Variants in GABBR2 observed in about 807,000 individuals in gnomAD.
The protein encoded by GABBR2 is G-protein coupled receptor 51.
Under a neutral mutation model 105.6 loss-of-function variants are expected in GABBR2, and 23 were observed. The observed-to-expected ratio is 0.22, with a 90% confidence interval of 0.16 to 0.31. GABBR2 has a LOEUF of 0.31. Among genes scored for constraint, GABBR2 ranks in the 10% least tolerant of loss-of-function variants. The pLI, the probability that GABBR2 is intolerant of heterozygous loss-of-function variation, is 1.00. For missense variants in GABBR2, 734 were observed against 1,245.5 expected (o/e 0.59, Z 6.18); for synonymous variants, 478 against 499.7 (o/e 0.96, Z 0.58).
intron 7 of GABBR2, among the ~76,000 whole-genome samples, chr9:98,418,384 A>C (rs1334381087): frequency 6.6e-6 from 1 of 152,026 alleles, no homozygotes; most frequent in African/African-American, 2.4e-5. Context: ...AAAAATAAAA[A>C]ATTAACCAAG....
intron 6 of GABBR2, among the ~76,000 whole-genome samples, chr9:98,466,936 C>G (rs1311932123): frequency 6.6e-6 from 1 of 152,184 alleles, no homozygotes. Flanking sequence ...GCTTCCTTGT[C>G]AAGGTCACCT....
chr9:98,290,578 C>T lies in GABBR2; in HGVS notation c.*6G>A. The T allele has an allele frequency of 1.5e-6, 2 of 1,371,494 alleles. No individual in the cohort carries two copies. The highest frequency in any genetic ancestry group is 6.6e-5 in the Admixed American group (2 of 30,432). 85.0% of individuals were successfully genotyped at this position (1,371,494 alleles called of 1,614,324 possible). On this transcript the variant is annotated 3_prime_UTR_variant, in exon 19 of 19. Coordinates refer to ENST00000259455, the MANE Select transcript of GABBR2 (RefSeq NM_005458.8). Reference sequence around the variant, plus strand: ...GGGGGAGGCCCCGGGCCCAGGCCTCCCACCCTTACAGGCCCGAGACCATGA... The same window carrying T: ...GGGGGAGGCCCCGGGCCCAGGCCTCTCACCCTTACAGGCCCGAGACCATGA...
At chr9:98,627,732 G>A (rs1050017790) in intron 1 of GABBR2, among the ~76,000 whole-genome samples, 16 of 152,240 alleles carry the variant, frequency 1.1e-4, no homozygotes, top group African/African-American at 3.4e-4. Context: ...TCTCCTCGGT[G>A]TCTGTCCCCC....
In GABBR2 at chr9:98,708,687, T is replaced by TGGCGGC. The variant is rs751111546; in HGVS notation, c.45_50dup (p.Pro19_Pro20dup). ...GCAGTAGCAGGCGCGCGGGCGGCGG[T>TGGCGGC]GGCGGCGGCGGCGGCGGCCCGGGCT... is the stretch of plus-strand genomic sequence containing the variant. On this transcript the variant is annotated inframe_insertion, in exon 1 of 19. Coordinates refer to ENST00000259455, the MANE Select transcript of GABBR2 (RefSeq NM_005458.8). The TGGCGGC allele has an allele frequency of 3.3e-5, 35 of 1,065,940 alleles. No individual in the cohort carries two copies. The highest frequency in any genetic ancestry group is 6.5e-5 in the East Asian group (1 of 15,342). The allele number at this position is 1,065,940 out of a possible 1,614,324, so 66.0% of individuals were successfully genotyped here. A position where few individuals can be genotyped will look rare whatever the true frequency, so the allele number is the denominator to read the frequency against.
chr9:98,578,955 G>A (rs572691323), intron 1 of GABBR2, among the ~76,000 whole-genome samples: 1 of 152,286 alleles, frequency 6.6e-6, no homozygotes, highest in East Asian at 1.9e-4. Flanking sequence ...CCGGGGCTGG[G>A]GGGAGCAGGG....
intron 18 of GABBR2, among the ~76,000 whole-genome samples, chr9:98,291,439 C>G (rs2131332829): frequency 6.6e-6 from 1 of 152,296 alleles, no homozygotes; most frequent in East Asian, 1.9e-4. Flanking sequence ...CAGTTTCATC[C>G]CTGAAAGACT....
chr9:98,657,594 C>T (rs1830199998), intron 1 of GABBR2, among the ~76,000 whole-genome samples: 1 of 152,196 alleles, frequency 6.6e-6, no homozygotes, highest in African/African-American at 2.4e-5. Flanking sequence ...AACCAGGATC[C>T]AGGGTGAGGG....
intron 14 of GABBR2, 86 bp downstream of exon 14, chr9:98,311,009 A>G (rs1713781664): frequency 1.3e-6 from 1 of 748,750 alleles, no homozygotes; most frequent in South Asian, 1.6e-5. Flanking sequence ...GGCTCTGTTT[A>G]TTTTTACATT....
At chr9:98,575,604 A>G (rs981725535) in intron 2 of GABBR2, among the ~76,000 whole-genome samples, 3 of 152,164 alleles carry the variant, frequency 2.0e-5, no homozygotes, top group African/African-American at 4.8e-5. Flanking sequence ...CTAATAGAGA[A>G]TGTGCTCCTC....
chr9:98,612,751 G>A (rs1829523200), intron 1 of GABBR2, among the ~76,000 whole-genome samples: 1 of 152,208 alleles, frequency 6.6e-6, no homozygotes, highest in Admixed American at 6.5e-5. Flanking sequence ...ATGGTAAGTG[G>A]AGATGAGGCT....
chr9:98,638,930 G>A (rs1829919032), intron 1 of GABBR2, among the ~76,000 whole-genome samples: 1 of 152,216 alleles, frequency 6.6e-6, no homozygotes, highest in Non-Finnish European at 1.5e-5. Flanking sequence ...AGGTATATAA[G>A]CTCTGGAAGA....
chr9:98,399,886 T>G (rs1215504764), intron 8 of GABBR2, among the ~76,000 whole-genome samples: 1 of 151,604 alleles, frequency 6.6e-6, no homozygotes, highest in Non-Finnish European at 1.5e-5. Flanking sequence ...ATAAAAATGG[T>G]CAAAGGGCTG....
chr9:98,615,250 G>A (rs946493189), intron 1 of GABBR2, among the ~76,000 whole-genome samples: 12 of 152,158 alleles, frequency 7.9e-5, no homozygotes, highest in African/African-American at 2.9e-4. Context: ...TGTCTCAGCT[G>A]TAGACCCCAG....
In GABBR2 at chr9:98,384,577, T is replaced by C. The variant is rs545096150; in HGVS notation, c.1662+1063A>G. 5.9e-5 allele frequency among the ~76,000 whole-genome samples: 9 copies of C among 151,838 alleles called. No individual in the cohort carries two copies. In the East Asian group the frequency reaches 1.4e-3, roughly 23 times the overall value. ...TGCACTCCAGCCTGGGCAACAAGAG[T>C]GAAACTCTGTCTCCAAAAAAACCCA... On this transcript the variant is annotated intron_variant, in intron 11 of 18. Transcript: ENST00000259455.
rs186137523 is a variant in GABBR2 at position 98,567,529 on chromosome 9, C to A, written c.459+10406G>T. Among the ~76,000 whole-genome samples, 474 of 152,174 alleles carry A rather than the reference C, an allele frequency of 3.1e-3. 12 individuals carry two copies. The highest frequency in any genetic ancestry group is 6.0e-4 in the Non-Finnish European group (41 of 68,028). On this transcript the variant is annotated intron_variant, in intron 2 of 18. Coordinates refer to ENST00000259455, the MANE Select transcript of GABBR2 (RefSeq NM_005458.8). ...TCGGTGAGAGTTAATTTCATCCACA[C>A]AACTTTAGATCTGAAGACAAATGGA...
chr9:98,702,278 A>T (rs1588289374), intron 1 of GABBR2, among the ~76,000 whole-genome samples: 1 of 149,664 alleles, frequency 6.7e-6, no homozygotes, highest in Non-Finnish European at 1.5e-5. Context: ...CCAATGACAC[A>T]CCCCCTCCCC....
At chr9:98,513,260 A>T (rs1400345269) in intron 3 of GABBR2, among the ~76,000 whole-genome samples, 1 of 152,040 alleles carries the variant, frequency 6.6e-6, no homozygotes, top group Non-Finnish European at 1.5e-5. Context: ...TTAATTCAAG[A>T]TGGATTAAAG....
At chr9:98,592,471 T>C (rs1829159999) in intron 1 of GABBR2, among the ~76,000 whole-genome samples, 1 of 152,232 alleles carries the variant, frequency 6.6e-6, no homozygotes, top group Non-Finnish European at 1.5e-5. Flanking sequence ...GATACTGTTA[T>C]TAGCATTCAT....
At chr9:98,607,637 C>T (rs1001084546) in intron 1 of GABBR2, 12 of 725,388 alleles carry the variant, frequency 1.7e-5, no homozygotes, top group Admixed American at 6.2e-5. Context: ...TGGGGTATTG[C>T]TGAAGTTGAA....
Sources: gnomAD v4.1 joint callset for allele counts (sites outside exome capture counted in the v4.1 genomes callset) on GRCh38, gnomAD v4.1.1 for gene constraint, MANE v1.5 for transcripts, NCBI Gene and HGNC (gene_info 2026-07-23, HGNC 2026-07-21) for gene names.